Variants in RPRD1B observed in about 807,000 individuals in gnomAD.
RPRD1B encodes regulation of nuclear pre-mRNA domain-containing protein 1B.
A neutral mutation model predicts 41.5 loss-of-function variants in RPRD1B; 11 were observed. The ratio of observed to expected loss-of-function variants is 0.27; its 90% CI spans 0.17 to 0.44. The LOEUF (loss-of-function observed/expected upper bound fraction) is 0.44. RPRD1B is among the 20% of genes least tolerant of loss of function. The pLI is 1.00. For synonymous variants in RPRD1B, 158 were observed against 155.6 expected (o/e 1.02, Z -0.12); for missense variants, 248 against 389.9 (o/e 0.64, Z 3.06).
intron 6 of RPRD1B, chr20:38,083,796 C>G (rs141925195): frequency 5.9e-5 from 9 of 152,284 alleles, no homozygotes; most frequent in Non-Finnish European, 1.0e-4. Flanking sequence ...ACAATTTCTT[C>G]TCTTCTTTGT....
intron 6 of RPRD1B, among the ~76,000 whole-genome samples, chr20:38,088,545 G>A (rs886691467): frequency 6.6e-6 from 1 of 152,206 alleles, no homozygotes; most frequent in Non-Finnish European, 1.5e-5. Flanking sequence ...ACTTACCCTT[G>A]CAGAGACACT....
chr20:38,090,661 C>T lies in RPRD1B; in HGVS notation c.*786C>T. On this transcript the variant is annotated 3_prime_UTR_variant, in exon 7 of 7. Coordinates refer to ENST00000373433, the MANE Select transcript of RPRD1B (RefSeq NM_021215.4). ...GTTCCGAAAAACAGAATGCCTTGAT[C>T]CCTGGTGGGTGCGAAGGCAGTTGTT... The T allele has an allele frequency of 3.0e-6, 3 of 985,502 alleles. No homozygotes were observed. Among genetic ancestry groups the T allele is most frequent in the Non-Finnish European group, 3.6e-6 (3 of 829,952 alleles). 61.0% of individuals were successfully genotyped at this position (985,502 alleles called of 1,614,324 possible). A position where few individuals can be genotyped will look rare whatever the true frequency, so the allele number is the denominator to read the frequency against.
At chr20:38,035,820 A>G (rs2073997614) in intron 1 of RPRD1B, among the ~76,000 whole-genome samples, 1 of 150,678 alleles carries the variant, frequency 6.6e-6, no homozygotes, top group Non-Finnish European at 1.5e-5. Flanking sequence ...GCTGAAGTGC[A>G]GTGGTGCGAT....
intron 6 of RPRD1B, among the ~76,000 whole-genome samples, chr20:38,075,212 C>T (rs769090499): frequency 6.6e-6 from 1 of 152,192 alleles, no homozygotes; most frequent in Non-Finnish European, 1.5e-5. Flanking sequence ...CACCAGAATG[C>T]GTTCCTGCTG....
chr20:38,062,795 A>G (rs1472728574), intron 5 of RPRD1B, among the ~76,000 whole-genome samples: 1 of 90,940 alleles, frequency 1.1e-5, no homozygotes, highest in Non-Finnish European at 2.3e-5. Context: ...TAACACCCCC[A>G]CGACTCCCCC....
chr20:38,046,693 C>G (rs1170777873), intron 2 of RPRD1B, among the ~76,000 whole-genome samples: 1 of 151,816 alleles, frequency 6.6e-6, no homozygotes, highest in Non-Finnish European at 1.5e-5. Context: ...TGGTTCCAGG[C>G]AAAGCAAACT....
intron 1 of RPRD1B, among the ~76,000 whole-genome samples, chr20:38,037,408 C>T (rs1173871003): frequency 6.6e-6 from 1 of 152,174 alleles, no homozygotes; most frequent in Non-Finnish European, 1.5e-5. Context: ...ACCAGCCAAA[C>T]AAGTGAAAAG....
intron 6 of RPRD1B, among the ~76,000 whole-genome samples, chr20:38,070,897 A>C (rs983983554): frequency 4.6e-5 from 7 of 151,954 alleles, no homozygotes; most frequent in African/African-American, 1.7e-4. Context: ...ACACCCAGCT[A>C]ATTTTTGTAT....
At chr20:38,074,185 C>T (rs973156826) in intron 6 of RPRD1B, among the ~76,000 whole-genome samples, 1 of 151,998 alleles carries the variant, frequency 6.6e-6, no homozygotes, top group Non-Finnish European at 1.5e-5. Flanking sequence ...TTTTTTTCCG[C>T]CAGTTTCCCT....
At chr20:38,062,687 A>G (rs2074309781) in intron 5 of RPRD1B, among the ~76,000 whole-genome samples, 1 of 152,018 alleles carries the variant, frequency 6.6e-6, no homozygotes, top group Non-Finnish European at 1.5e-5. Flanking sequence ...TGGTCTAGCT[A>G]CTTCGTTTGT....
intron 2 of RPRD1B, among the ~76,000 whole-genome samples, chr20:38,045,532 C>G (rs911778591): frequency 6.6e-6 from 1 of 152,178 alleles, no homozygotes; most frequent in East Asian, 1.9e-4. Flanking sequence ...CTAGAACCCC[C>G]CTTTTGGCCT....
chr20:38,066,330 T>G, intron 6 of RPRD1B, 74 bp downstream of exon 6: 1 of 1,340,802 alleles, frequency 7.5e-7, no homozygotes. Flanking sequence ...GTTTTTATTA[T>G]GCTTTAATTA....
chr20:38,068,955 C>T (rs1345757236), intron 6 of RPRD1B, among the ~76,000 whole-genome samples: 1 of 152,172 alleles, frequency 6.6e-6, no homozygotes, highest in Non-Finnish European at 1.5e-5. Context: ...TTTAAAACTT[C>T]CAAATCAGAA....
chr20:38,063,089 A>T (rs1403478087), intron 5 of RPRD1B, among the ~76,000 whole-genome samples: 5 of 152,008 alleles, frequency 3.3e-5, no homozygotes, highest in African/African-American at 1.2e-4. Flanking sequence ...GCTCCTTGCC[A>T]GTCACTCTTT....
In RPRD1B at chr20:38,078,828, T is replaced by C. The variant is rs145560964; in HGVS notation, c.832-10898T>C. Among the ~76,000 whole-genome samples the C allele has an allele frequency of 8.4e-3, 1,276 of 152,356 alleles. 11 individuals carry two copies. Among genetic ancestry groups the C allele is most frequent in the African/African-American group, 0.025 (1,044 of 41,572 alleles). On this transcript the variant is annotated intron_variant, in intron 6 of 6. Transcript: ENST00000373433. ...GATTTTTTTTTGTTTTCCAATATTA[T>C]AGGTAGACCTTTAAGGAAAAAGAGG... is the stretch of plus-strand genomic sequence containing the variant.
chr20:38,092,199 T>TC lies in RPRD1B; in HGVS notation c.*2327dup. ...ATATTCCTCAGAAAGTCTTCAATCTTCCCTTGTTTTTGTTTGTTTGTTTTT... is the reference window on the plus strand; with the variant it reads ...ATATTCCTCAGAAAGTCTTCAATCTTCCCCTTGTTTTTGTTTGTTTGTTTTT... On this transcript the variant is annotated 3_prime_UTR_variant, in exon 7 of 7. Coordinates refer to ENST00000373433, the MANE Select transcript of RPRD1B (RefSeq NM_021215.4). 1 of 985,710 alleles carries TC rather than the reference T, an allele frequency of 1.0e-6. No homozygotes were observed. The highest frequency in any genetic ancestry group is 1.2e-6 in the Non-Finnish European group (1 of 829,844). 61.1% of individuals were successfully genotyped at this position (985,710 alleles called of 1,614,324 possible). A position where few individuals can be genotyped will look rare whatever the true frequency, so the allele number is the denominator to read the frequency against.
intron 6 of RPRD1B, among the ~76,000 whole-genome samples, chr20:38,088,944 C>G (rs1397119857): frequency 1.3e-5 from 2 of 152,180 alleles, no homozygotes; most frequent in African/African-American, 4.8e-5. Flanking sequence ...GAGAGACCCC[C>G]TCCAGGCTTG....
intron 2 of RPRD1B, among the ~76,000 whole-genome samples, chr20:38,048,011 T>C (rs1274721065): frequency 1.3e-5 from 2 of 152,208 alleles, no homozygotes; most frequent in Non-Finnish European, 2.9e-5. Flanking sequence ...ACTTTTAATT[T>C]CCAGCAGAAT....
chr20:38,073,632 G>A (rs1014860921), intron 6 of RPRD1B, among the ~76,000 whole-genome samples: 2 of 152,166 alleles, frequency 1.3e-5, no homozygotes, highest in South Asian at 2.1e-4. Context: ...TTCAATATTA[G>A]GCCAGGCAGT....
Sources: allele counts gnomAD v4.1 joint callset (sites outside exome capture counted in the v4.1 genomes callset), GRCh38; gene constraint gnomAD v4.1.1; transcripts MANE v1.5; gene names NCBI Gene and HGNC (gene_info 2026-07-23, HGNC 2026-07-21).